The following EBF1 variants were observed in gnomAD, a reference collection of about 807,000 sequenced individuals.
The protein encoded by EBF1 is transcription factor COE1.
EBF1 carries 10 observed loss-of-function variants against 68.4 expected under a neutral mutation model. The observed-to-expected ratio is 0.15, with a 90% confidence interval of 0.09 to 0.25. The LOEUF (loss-of-function observed/expected upper bound fraction) is 0.25, where lower values mean the gene tolerates loss of function less well. Among genes scored for constraint, EBF1 ranks in the 10% least tolerant of loss-of-function variants. The pLI, the probability that EBF1 is intolerant of heterozygous loss-of-function variation, is 1.00. For missense variants in EBF1, 509 were observed against 794.4 expected (o/e 0.64, Z 4.32); for synonymous variants, 298 against 299.8 (o/e 0.99, Z 0.06).
intron 6 of EBF1, among the ~76,000 whole-genome samples, chr5:158,902,293 C>A (rs977188534): frequency 6.6e-6 from 1 of 152,156 alleles, no homozygotes; most frequent in Non-Finnish European, 1.5e-5. Context: ...CAAAACTCCA[C>A]CCTCAAAATA....
Position 158,823,314 on chromosome 5 carries a change from C to T in EBF1, c.640G>A (p.Val214Met), listed in dbSNP as rs757998883. ...TCCACATTGACTGTCGTAGACACCA[C>T]GACCTGGAGACATAAGAAAGAAATG... is the stretch of plus-strand genomic sequence containing the variant. ...NPRDMRRFQV[V>M]VSTTVNVDGH... The change falls in exon 8 of 16, where the codon GTG (valine) becomes ATG (methionine). Residue 214 changes from valine (V) to methionine (M), a missense_variant. Around this residue, in one of 3 missense-constraint regions of EBF1, gnomAD observed 230 missense variants for 467.7 expected, o/e 0.49. Transcript: ENST00000313708. 14 of 1,605,828 alleles carry T rather than the reference C, an allele frequency of 8.7e-6. No individual in the cohort carries two copies. The highest frequency in any genetic ancestry group is 4.5e-5 in the East Asian group (2 of 44,806).
chr5:158,750,923 G>A (rs1768718446), intron 10 of EBF1, among the ~76,000 whole-genome samples: 1 of 152,002 alleles, frequency 6.6e-6, no homozygotes, highest in Non-Finnish European at 1.5e-5. Context: ...TAAATTTCTA[G>A]CAATAGTGAA....
In EBF1 at chr5:158,713,089, T is replaced by C; in HGVS notation, c.1250A>G (p.Asn417Ser). The stretch of plus-strand genomic sequence containing the variant: ...AGCAAGGGCCGGGAGTTGGTTGTGG[T>C]TGCGGGGAACACTGTACAGGGCCTC... The part of the protein sequence containing the change: ...IAEALYSVPR[N>S]HNQLPALANT... The change falls in exon 13 of 16, where the codon AAC (asparagine) becomes AGC (serine). Residue 417 changes from asparagine to serine, a missense_variant. Transcript: ENST00000313708. 6.3e-7 allele frequency: 1 copy of C among 1,599,376 alleles called. No individual in the cohort carries two copies. The highest frequency in any genetic ancestry group is 8.5e-7 in the Non-Finnish European group (1 of 1,171,778).
At chr5:158,906,196 G>A (rs1298711132) in intron 6 of EBF1, among the ~76,000 whole-genome samples, 1 of 150,094 alleles carries the variant, frequency 6.7e-6, no homozygotes, top group Non-Finnish European at 1.5e-5. Flanking sequence ...GTGTTGTCTT[G>A]TGTTCATTCT....
chr5:158,696,938 A>ATGTT lies in EBF1; in HGVS notation c.*2169_*2172dup, dbSNP rs905100644. ...TTTTTTCTTTTTCTTTTTTCTTAGA[A>ATGTT]TGTTAGTGATGACTGACAGTTCTGG... is the stretch of plus-strand genomic sequence containing the variant. On this transcript the variant is annotated 3_prime_UTR_variant, in exon 16 of 16. Transcript: ENST00000313708. 4.7e-5 allele frequency: 9 copies of ATGTT among 191,458 alleles called. No individual in the cohort carries two copies. Among genetic ancestry groups the ATGTT allele is most frequent in the Admixed American group, 3.7e-4 (6 of 16,066 alleles). The allele number at this position is 191,458 out of a possible 1,614,324, so 11.9% of individuals were successfully genotyped here.
intron 6 of EBF1, among the ~76,000 whole-genome samples, chr5:158,986,110 C>T (rs1759002296): frequency 1.3e-5 from 2 of 152,230 alleles, no homozygotes. Context: ...AAATGCTGAG[C>T]CACAAGCCAT....
chr5:158,775,749 C>T (rs953014133), intron 10 of EBF1, among the ~76,000 whole-genome samples: 5 of 132,888 alleles, frequency 3.8e-5, no homozygotes, highest in African/African-American at 6.3e-5. Context: ...TTGTAAAACA[C>T]ACACACACAC....
chr5:158,726,262 G>A (rs1201493510), intron 11 of EBF1, among the ~76,000 whole-genome samples: 1 of 152,136 alleles, frequency 6.6e-6, no homozygotes, highest in East Asian at 1.9e-4. Context: ...CCAGATTGGG[G>A]ACCTAGGAGG....
chr5:158,749,326 C>T (rs997920304), intron 10 of EBF1, among the ~76,000 whole-genome samples: 1 of 152,100 alleles, frequency 6.6e-6, no homozygotes, highest in Non-Finnish European at 1.5e-5. Context: ...GAAGAAGATC[C>T]ACCTCCCAAA....
intron 6 of EBF1, among the ~76,000 whole-genome samples, chr5:159,023,199 A>T (rs1238282208): frequency 6.6e-6 from 1 of 152,128 alleles, no homozygotes; most frequent in Non-Finnish European, 1.5e-5. Context: ...CTAAAAAAAA[A>T]AAAAAGCTAA....
Position 158,777,524 on chromosome 5 carries a change from C to T in EBF1, c.925G>A (p.Ala309Thr). The T allele has an allele frequency of 6.2e-7, 1 of 1,607,606 alleles. No homozygotes were observed. Among genetic ancestry groups the T allele is most frequent in the Admixed American group, 1.7e-5 (1 of 59,130 alleles). The change falls in exon 10 of 16, where the codon GCC becomes ACC. Residue 309 changes from alanine (A) to threonine (T), a missense_variant. Transcript: ENST00000313708. Reference sequence around the variant, plus strand: ...CGAGGAGGGGTCTGCACACGGATGGCATGAGGAGTGATCAACTGGAGGAGA... The same window carrying T: ...CGAGGAGGGGTCTGCACACGGATGGTATGAGGAGTGATCAACTGGAGGAGA... Reference protein sequence around the residue: ...LVWSELITPHAIRVQTPPRHI... With the variant: ...LVWSELITPHTIRVQTPPRHI...
At chr5:158,841,930 C>T (rs1011648818) in intron 6 of EBF1, among the ~76,000 whole-genome samples, 2 of 152,196 alleles carry the variant, frequency 1.3e-5, no homozygotes, top group Non-Finnish European at 2.9e-5. Context: ...TGAAAGCAGG[C>T]CTCTAAATAA....
At chr5:159,015,409 C>T (rs1765441924) in intron 6 of EBF1, among the ~76,000 whole-genome samples, 1 of 152,222 alleles carries the variant, frequency 6.6e-6, no homozygotes, top group African/African-American at 2.4e-5. Flanking sequence ...TCATAACTGA[C>T]ACTCTTGGAA....
intron 4 of EBF1, among the ~76,000 whole-genome samples, chr5:159,086,924 G>A (rs778153935): frequency 4.5e-4 from 69 of 152,012 alleles, no homozygotes; most frequent in Non-Finnish European, 7.4e-4. Context: ...TCAAGAAAAT[G>A]CATTAACTAA....
chr5:158,717,770 A>T (rs955622354), intron 11 of EBF1, among the ~76,000 whole-genome samples: 1 of 152,056 alleles, frequency 6.6e-6, no homozygotes, highest in Non-Finnish European at 1.5e-5. Context: ...TTTTCTGCTC[A>T]TGGCCTTGGA....
intron 6 of EBF1, among the ~76,000 whole-genome samples, chr5:158,882,557 A>G (rs1337952251): frequency 6.6e-6 from 1 of 152,230 alleles, no homozygotes; most frequent in African/African-American, 2.4e-5. Flanking sequence ...AGACTTTCCT[A>G]ATTATTTTGT....
intron 7 of EBF1, among the ~76,000 whole-genome samples, chr5:158,838,999 C>T (rs1789537228): frequency 6.6e-6 from 1 of 152,184 alleles, no homozygotes; most frequent in African/African-American, 2.4e-5. Flanking sequence ...ATTCCAGTCC[C>T]ACCCCAGACC....
intron 10 of EBF1, among the ~76,000 whole-genome samples, chr5:158,768,709 C>T (rs139323604): frequency 1.6e-3 from 246 of 152,066 alleles, no homozygotes; most frequent in African/African-American, 5.1e-3. Flanking sequence ...ATAAGTAAAA[C>T]GAATAATCCT....
At chr5:159,052,501 C>A (rs1376495952) in intron 6 of EBF1, among the ~76,000 whole-genome samples, 2 of 152,148 alleles carry the variant, frequency 1.3e-5, no homozygotes, top group East Asian at 3.9e-4. Context: ...CAAATCAGTT[C>A]GGGGTTTCTC....
Sources: allele counts gnomAD v4.1 joint callset (sites outside exome capture counted in the v4.1 genomes callset), GRCh38; gene constraint gnomAD v4.1.1; regional missense constraint gnomAD v4.1.1; transcripts MANE v1.5; gene names NCBI Gene and HGNC (gene_info 2026-07-23, HGNC 2026-07-21).